The following ANKRD11 variants were observed in gnomAD, a reference collection of about 807,000 sequenced individuals.
The protein encoded by ANKRD11 is ankyrin repeat domain-containing protein 11.
In ANKRD11, 17 loss-of-function variants were observed where a neutral mutation model predicts 195.7. The ratio of observed to expected loss-of-function variants is 0.09; its 90% CI spans 0.06 to 0.13. The LOEUF is 0.13. ANKRD11 is among the 10% of genes least tolerant of loss of function. The pLI is 1.00. For synonymous variants in ANKRD11, 1,953 were observed against 1,528.1 expected, an observed-to-expected ratio of 1.28 and a Z score of -6.49; for missense variants, 3,735 against 3,566.1, an observed-to-expected ratio of 1.05 and a Z score of -1.21.
chr16:89,406,483 GTGACAAGA>G (rs1567760345), intron 2 of ANKRD11, among the ~76,000 whole-genome samples: 2 of 152,216 alleles, frequency 1.3e-5, no homozygotes, highest in Admixed American at 1.3e-4. Context: ...ACCGTGCACC[GTGACAAGA>G]CAACATGTTC....
intron 2 of ANKRD11, among the ~76,000 whole-genome samples, chr16:89,321,686 A>T (rs547995665): frequency 6.6e-6 from 1 of 152,030 alleles, no homozygotes; most frequent in South Asian, 2.1e-4. Context: ...TGACACAACT[A>T]ATCTTAAAAC....
intron 2 of ANKRD11, chr16:89,373,114 A>C (rs2040266308): frequency 6.6e-6 from 1 of 152,248 alleles, no homozygotes. Flanking sequence ...GGGTTCAAAT[A>C]AAGCCCTTCT....
intron 1 of ANKRD11, among the ~76,000 whole-genome samples, chr16:89,440,922 C>T (rs74836424): frequency 0.038 from 5,847 of 152,222 alleles, 155 homozygotes; most frequent in Non-Finnish European, 0.062. Flanking sequence ...AAAGAGAGAG[C>T]GCATCGTGGT....
At chr16:89,461,987 C>G (rs1413223519) in intron 1 of ANKRD11, among the ~76,000 whole-genome samples, 2 of 152,044 alleles carry the variant, frequency 1.3e-5, no homozygotes, top group Non-Finnish European at 2.9e-5. Flanking sequence ...ATACTTCCGT[C>G]TGTCACGAGC....
At chr16:89,466,328 A>G (rs891636713) in intron 1 of ANKRD11, among the ~76,000 whole-genome samples, 6 of 152,216 alleles carry the variant, frequency 3.9e-5, no homozygotes, top group African/African-American at 1.2e-4. Context: ...AGAGAGTACC[A>G]GTTGTCAGGG....
Position 89,279,843 on chromosome 16 carries a change from C to T in ANKRD11, c.6699G>A (p.Gly2233=). Reference sequence around the variant, plus strand: ...CGGGCTCCACGCTGGAGTCCGGATCCCCACGGGCCCTCTCTTCCGGCACCG... The same window carrying T: ...CGGGCTCCACGCTGGAGTCCGGATCTCCACGGGCCCTCTCTTCCGGCACCG... ...AETVPEERAR[G]DPDSSVEPAP... Residue 2233 remains glycine, a synonymous_variant, in exon 9 of 13, where the codon GGG becomes GGA. Transcript: ENST00000301030. This position sits in a 1 kb window ranked among gnomAD's most constrained non-coding sequence, Gnocchi z 5.6. 1.3e-6 allele frequency: 2 copies of T among 1,549,500 alleles called. No homozygotes were observed. Among genetic ancestry groups the T allele is most frequent in the Non-Finnish European group, 8.7e-7 (1 of 1,148,986 alleles).
intron 3 of ANKRD11, among the ~76,000 whole-genome samples, chr16:89,310,322 A>G (rs941010297): frequency 6.6e-6 from 1 of 152,256 alleles, no homozygotes; most frequent in Non-Finnish European, 1.5e-5. Context: ...ACCAAGAGGA[A>G]GCACACTACC....
chr16:89,296,462 A>G (rs1333916144), intron 4 of ANKRD11, among the ~76,000 whole-genome samples: 1 of 152,096 alleles, frequency 6.6e-6, no homozygotes, highest in Non-Finnish European at 1.5e-5. Context: ...AGAACTTCCA[A>G]TTCACCAATA....
intron 2 of ANKRD11, among the ~76,000 whole-genome samples, chr16:89,331,632 T>C (rs140699247): frequency 0.011 from 1,745 of 152,282 alleles, 21 homozygotes; most frequent in Middle Eastern, 0.024. Context: ...TTTATAGATA[T>C]GTATTTAGGT....
chr16:89,325,469 TCACACACACA>T (rs59319003), intron 2 of ANKRD11, among the ~76,000 whole-genome samples: 4 of 147,742 alleles, frequency 2.7e-5, no homozygotes, highest in African/African-American at 5.2e-5. Context: ...TCTCTCTCTC[TCACACACACA>T]CACACACACA....
chr16:89,409,125 T>C (rs2042020197), intron 2 of ANKRD11, among the ~76,000 whole-genome samples: 1 of 152,146 alleles, frequency 6.6e-6, no homozygotes, highest in South Asian at 2.1e-4. Flanking sequence ...GGGCCAGGTA[T>C]CAGGCCCCTC....
chr16:89,473,090 GC>G (rs1206615350), intron 1 of ANKRD11, among the ~76,000 whole-genome samples: 1 of 152,062 alleles, frequency 6.6e-6, no homozygotes, highest in Non-Finnish European at 1.5e-5. Flanking sequence ...ACCCAGGACA[GC>G]TTGGCTTGAG....
At chr16:89,292,387 C>G (rs2035119654) in intron 4 of ANKRD11, among the ~76,000 whole-genome samples, 1 of 152,232 alleles carries the variant, frequency 6.6e-6, no homozygotes, top group South Asian at 2.1e-4. Context: ...CTCAGCTCAG[C>G]TCCCAGGGCC....
chr16:89,382,166 T>C (rs1398853598), intron 2 of ANKRD11, among the ~76,000 whole-genome samples: 2 of 151,770 alleles, frequency 1.3e-5, no homozygotes, highest in East Asian at 3.9e-4. Flanking sequence ...CTCCCACCCA[T>C]CTCCTCTTTC....
chr16:89,372,814 C>G (rs1287721049), intron 2 of ANKRD11: 10 of 152,188 alleles, frequency 6.6e-5, no homozygotes. Context: ...GAAAGCCACC[C>G]TGTGGCAGGG....
rs140160928 is a variant in ANKRD11, at chr16:89,419,612, C to T, written c.-144-1244G>A. Among the ~76,000 whole-genome samples, 31 of 152,322 alleles carry T rather than the reference C, an allele frequency of 2.0e-4. No homozygotes were observed. In the East Asian group the frequency reaches 5.0e-3, roughly 25 times the overall value. ...CATCAGGCTCTCCTCCAACTCCAAA[C>T]ACTTCCGTGTGCAGAACCAGGGAAG... On this transcript the variant is annotated intron_variant, in intron 1 of 12. Transcript: ENST00000301030.
At position 89,490,442 on chromosome 16, in the gene ANKRD11, G is replaced by A; in HGVS notation, c.-342C>T. ...GCCCCTCGGGCGCGCCCACGGCTCG[G>A]GCGAGAGCCGCGGCTCCCGGTGCGG... On this transcript the variant is annotated 5_prime_UTR_variant, in exon 1 of 13. Coordinates refer to ENST00000301030, the MANE Select transcript of ANKRD11 (RefSeq NM_013275.6). The A allele has an allele frequency of 2.8e-6, 1 of 357,504 alleles. No homozygotes were observed. The highest frequency in any genetic ancestry group is 5.0e-6 in the Non-Finnish European group (1 of 198,436). The allele number at this position is 357,504 out of a possible 1,614,324, so 22.1% of individuals were successfully genotyped here.
At chr16:89,371,654 G>A (rs1186456199) in intron 2 of ANKRD11, among the ~76,000 whole-genome samples, 1 of 152,144 alleles carries the variant, frequency 6.6e-6, no homozygotes, top group East Asian at 1.9e-4. Flanking sequence ...GGGTGTGGAG[G>A]GCGATGCAGA....
intron 2 of ANKRD11, among the ~76,000 whole-genome samples, chr16:89,407,866 AAAAAAAAG>A (rs1366364252): frequency 6.6e-6 from 1 of 152,004 alleles, no homozygotes; most frequent in Non-Finnish European, 1.5e-5. Flanking sequence ...AAAAAAAAAA[AAAAAAAAG>A]AAGAAGAAGA....
Sources: gnomAD v4.1 joint callset for allele counts (sites outside exome capture counted in the v4.1 genomes callset) on GRCh38, gnomAD v4.1.1 for gene constraint, Gnocchi (gnomAD v3.1) non-coding constraint, MANE v1.5 for transcripts, NCBI Gene and HGNC (gene_info 2026-07-23, HGNC 2026-07-21) for gene names.